The following TBCD variants were observed in gnomAD, a reference collection of about 807,000 sequenced individuals.
TBCD encodes tubulin folding cofactor D, also known as tubulin-specific chaperone D.
In TBCD, 105 loss-of-function variants were observed where a neutral mutation model predicts 169.3. That is an observed-to-expected ratio of 0.62 (90% CI 0.53 to 0.73). The LOEUF is 0.73. Among genes scored for constraint, TBCD ranks in the 30% least tolerant of loss-of-function variants. TBCD has a pLI of 0.00. For synonymous variants in TBCD, 700 were observed against 643.9 expected (o/e 1.09, Z -1.32); for missense variants, 1,444 against 1,600.1 (o/e 0.90, Z 1.66).
In TBCD at chr17:82,800,852, T is replaced by G; in HGVS notation, c.818-12T>G. 6.2e-7 allele frequency: 1 copy of G among 1,611,044 alleles called. No individual in the cohort carries two copies. The highest frequency in any genetic ancestry group is 8.5e-7 in the Non-Finnish European group (1 of 1,178,886). On this transcript the variant is annotated splice_polypyrimidine_tract_variant and intron_variant, in intron 8 of 38. Coordinates refer to ENST00000355528, the MANE Select transcript of TBCD (RefSeq NM_005993.5). The stretch of plus-strand genomic sequence containing the variant: ...CAGCCCTTCCTGCGCTGAGTCCAGT[T>G]CTTGTTTGCAGCTGCCACTGTCCTC...
chr17:82,830,572 ACAG>A (rs2053403632), intron 13 of TBCD: 1 of 1,613,906 alleles, frequency 6.2e-7, no homozygotes, highest in Non-Finnish European at 8.5e-7. Flanking sequence ...CTTCTGTGGA[ACAG>A]CAGCAGCAGG....
At chr17:82,928,104 T>G in intron 30 of TBCD, 116 bp downstream of exon 30, 2 of 893,422 alleles carry the variant, frequency 2.2e-6, no homozygotes. Flanking sequence ...GCACACACCC[T>G]CCTCCCAGAG....
intron 8 of TBCD, 84 bp from the exon 9 acceptor site, chr17:82,800,780 C>T (rs965690445): frequency 2.8e-5 from 42 of 1,508,930 alleles, no homozygotes; most frequent in African/African-American, 8.5e-5. Flanking sequence ...CCTGTGGAGC[C>T]GGCTGTTGGT....
rs755109975 is a variant in TBCD, at chr17:82,781,599, C to T, written c.649C>T (p.Arg217Cys). The change falls in exon 7 of 39, where the codon CGT becomes TGT. Residue 217 changes from arginine (R) to cysteine (C), a missense_variant. Physicochemically the swap from Arg to Cys is radical, Grantham distance 180. Transcript: ENST00000355528. ...AAVLVSRFIT[R>C]PDVKQSKMAE... ...GTATCCTTTTGGCAGATTTATCACACGTCCTGATGTCAAGCAAAGCAAGAT... is the reference window on the plus strand; with the variant it reads ...GTATCCTTTTGGCAGATTTATCACATGTCCTGATGTCAAGCAAAGCAAGAT... 2.5e-6 allele frequency: 4 copies of T among 1,613,618 alleles called. No individual in the cohort carries two copies. The highest frequency in any genetic ancestry group is 2.2e-5 in the South Asian group (2 of 91,078).
intron 11 of TBCD, among the ~76,000 whole-genome samples, chr17:82,808,240 G>A (rs2051128864): frequency 6.6e-6 from 1 of 152,166 alleles, no homozygotes; most frequent in South Asian, 2.1e-4. Context: ...AGCGATACAC[G>A]TGAAGAAGAT....
rs542517987 is a variant in TBCD, at chr17:82,930,903, G to A, written c.3113+260G>A. The stretch of plus-strand genomic sequence containing the variant: ...AATGACCGTTGTGTGTACAATGGAC[G>A]TAAAGGTAGTATGAGTACAAGGTGG... On this transcript the variant is annotated intron_variant, in intron 33 of 38. Transcript: ENST00000355528. This position sits in a 1 kb window ranked among gnomAD's most constrained non-coding sequence, Gnocchi z 5.2. Among the ~76,000 whole-genome samples the A allele has an allele frequency of 6.6e-6, 1 of 152,336 alleles. No individual in the cohort carries two copies. The highest frequency in any genetic ancestry group is 1.9e-4 in the East Asian group (1 of 5,176).
chr17:82,778,629 C>G (rs1229680464), intron 6 of TBCD, among the ~76,000 whole-genome samples: 2 of 115,574 alleles, frequency 1.7e-5, no homozygotes, highest in African/African-American at 8.4e-5. Context: ...CAGCCAATTT[C>G]TTTTTCTTTT....
intron 13 of TBCD, among the ~76,000 whole-genome samples, chr17:82,853,576 CT>C (rs796846271): frequency 0.018 from 2,673 of 145,634 alleles, 90 homozygotes; most frequent in African/African-American, 0.062. Flanking sequence ...CTCATTTTTT[CT>C]TTTTTTTTTT....
chr17:82,932,663 C>T lies in TBCD; in HGVS notation c.3119C>T (p.Ser1040Phe). 1 of 1,613,186 alleles carries T rather than the reference C, an allele frequency of 6.2e-7. No homozygotes were observed. The highest frequency in any genetic ancestry group is 8.5e-7 in the Non-Finnish European group (1 of 1,179,710). ...ACAGCTCCTTCTCCCCTCAGGGTGT[C>T]CGTGCCGCTGCTGAAGACGCTGGAC... is the stretch of plus-strand genomic sequence containing the variant. ...FEDNLLNERV[S>F]VPLLKTLDHV... The change falls in exon 34 of 39, where the codon TCC becomes TTC. Residue 1040 changes from serine (S) to phenylalanine (F), a missense_variant. Ser to Phe is a radical substitution (Grantham distance 155). Coordinates refer to ENST00000355528, the MANE Select transcript of TBCD (RefSeq NM_005993.5).
chr17:82,777,507 A>G (rs112594613), intron 6 of TBCD, among the ~76,000 whole-genome samples: 1,758 of 152,310 alleles, frequency 0.012, 26 homozygotes, highest in African/African-American at 0.04. Context: ...AATGTGAGCC[A>G]TCTCCAACGG....
At position 82,792,372 on chromosome 17, in the gene TBCD, C is replaced by CAT. The variant is rs552600143; in HGVS notation, c.772-5380_772-5379dup. On this transcript the variant is annotated intron_variant, in intron 7 of 38. Coordinates refer to ENST00000355528, the MANE Select transcript of TBCD (RefSeq NM_005993.5). ...ATACATGTGTGCACACACACACACACATATATGTGTATATATATGTATATA... is the reference window on the plus strand; with the variant it reads ...ATACATGTGTGCACACACACACACACATATATATGTGTATATATATGTATATA... Among the ~76,000 whole-genome samples the CAT allele has an allele frequency of 5.9e-3, 883 of 150,464 alleles. 8 individuals carry two copies. The highest frequency in any genetic ancestry group is 0.021 in the African/African-American group (839 of 40,760).
rs1454948409 is a variant in TBCD, at chr17:82,831,046, G to T, written c.1318+16112G>T. ...TACTGGAGACTCTGCTGTGGTCTCA[G>T]CAGCCTGGGCAGGTAGGCATTCTGT... On this transcript the variant is annotated intron_variant, in intron 13 of 38. Transcript: ENST00000355528. The surrounding 1 kb of genome is among the most constrained non-coding windows in gnomAD (Gnocchi z 4.6). 8 of 1,614,192 alleles carry T rather than the reference G, an allele frequency of 5.0e-6. No individual in the cohort carries two copies. The highest frequency in any genetic ancestry group is 1.3e-5 in the African/African-American group (1 of 75,058).
intron 8 of TBCD, among the ~76,000 whole-genome samples, chr17:82,799,309 G>T (rs1309967554): frequency 6.6e-6 from 1 of 151,900 alleles, no homozygotes; most frequent in East Asian, 1.9e-4. Context: ...TGGGCATGGT[G>T]GCACATGCCT....
Position 82,758,400 on chromosome 17 carries a change from A to AAAAAAAAATAAAT in TBCD, c.235+2188_235+2189insAAAAATAAATAAA, listed in dbSNP as rs1035939621. The stretch of plus-strand genomic sequence containing the variant: ...AACGTCTCGGAAAAAAAAAAAAAAA[A>AAAAAAAAATAAAT]AAATAAATAAATAAATAAATTTTTT... On this transcript the variant is annotated intron_variant, in intron 2 of 38. Coordinates refer to ENST00000355528, the MANE Select transcript of TBCD (RefSeq NM_005993.5). 8.8e-3 allele frequency among the ~76,000 whole-genome samples: 881 copies of AAAAAAAAATAAAT among 99,802 alleles called. 10 individuals carry two copies. The highest frequency in any genetic ancestry group is 0.023 in the South Asian group (59 of 2,620). 65.5% of individuals were successfully genotyped at this position (99,802 alleles called of 152,430 possible).
chr17:82,928,890 G>A (rs1371421227), intron 30 of TBCD, among the ~76,000 whole-genome samples: 1 of 152,110 alleles, frequency 6.6e-6, no homozygotes, highest in East Asian at 1.9e-4. Context: ...TATTTGCTGC[G>A]CACCTGTAGG....
At chr17:82,840,444 A>G (rs1598849024) in intron 13 of TBCD, 1 of 152,292 alleles carries the variant, frequency 6.6e-6, no homozygotes, top group African/African-American at 2.4e-5. Flanking sequence ...TGGGAGGCAC[A>G]GTATTCATGG....
At chr17:82,925,702 G>A (rs376634729) in intron 27 of TBCD, among the ~76,000 whole-genome samples, 13 of 152,312 alleles carry the variant, frequency 8.5e-5, no homozygotes, top group African/African-American at 3.1e-4. Flanking sequence ...CAGCCGCCAT[G>A]CCATCTAAAA....
At chr17:82,935,528 A>C (rs767702887) in intron 34 of TBCD, among the ~76,000 whole-genome samples, 44 of 138,134 alleles carry the variant, frequency 3.2e-4, no homozygotes, top group Admixed American at 5.5e-4. Flanking sequence ...TGCTTTTGTC[A>C]TTCCATTGTT....
intron 38 of TBCD, 59 bp downstream of exon 38, chr17:82,941,542 C>G (rs761113451): frequency 6.2e-6 from 9 of 1,463,172 alleles, no homozygotes; most frequent in African/African-American, 1.4e-5. Context: ...CTGGAATGTT[C>G]TGGGGCCAGC....
Sources: gnomAD v4.1 joint callset for allele counts (sites outside exome capture counted in the v4.1 genomes callset) on GRCh38, gnomAD v4.1.1 for gene constraint, Gnocchi (gnomAD v3.1) non-coding constraint, MANE v1.5 for transcripts, NCBI Gene and HGNC (gene_info 2026-07-23, HGNC 2026-07-21) for gene names.